Variants in PAH observed in about 807,000 individuals in gnomAD.
PAH encodes phenylalanine hydroxylase.
PAH carries 64 observed loss-of-function variants against 62.0 expected under a neutral mutation model. The ratio of observed to expected loss-of-function variants is 1.03; its 90% CI spans 0.84 to 1.27. The LOEUF is 1.27. Ranked by LOEUF, PAH falls within the 50% of genes most tolerant of loss-of-function variation. PAH has a pLI of 0.00. For missense variants in PAH, 579 were observed against 542.8 expected, an observed-to-expected ratio of 1.07 and a Z score of -0.66; for synonymous variants, 195 against 196.2, an observed-to-expected ratio of 0.99 and a Z score of 0.05.
At position 102,837,505 on chromosome 12, in the gene PAH, CA is replaced by C. The variant is rs1387032202; in HGVS notation, c.*1669del. On this transcript the variant is annotated 3_prime_UTR_variant, in exon 13 of 13. Coordinates refer to ENST00000553106, the MANE Select transcript of PAH (RefSeq NM_000277.3). ...TCACTTTTAAAATCAGTGGGTTTTACAAAGGCATAAACATAGATACAGGCAT... is the reference window on the plus strand; with the variant it reads ...TCACTTTTAAAATCAGTGGGTTTTACAAGGCATAAACATAGATACAGGCAT... 4.6e-5 allele frequency: 7 copies of C among 152,160 alleles called. No homozygotes were observed. The highest frequency in any genetic ancestry group is 1.7e-4 in the African/African-American group (7 of 41,424). The allele number at this position is 152,160 out of a possible 1,614,324, so 9.4% of individuals were successfully genotyped here.
intron 1 of PAH, among the ~76,000 whole-genome samples, chr12:102,913,506 G>A (rs1360804550): frequency 1.3e-5 from 2 of 152,080 alleles, no homozygotes; most frequent in Non-Finnish European, 2.9e-5. Context: ...GTGAAAGCAT[G>A]CTAATAACAA....
rs1386889474 is a variant in PAH, at chr12:102,838,498, C to T, written c.*677G>A. ...AATGTCCTCAAAGTGTTTCCCAAAA[C>T]AGACTTGATAATTAATTGGAAAATG... On this transcript the variant is annotated 3_prime_UTR_variant, in exon 13 of 13. Transcript: ENST00000553106. 2.6e-5 allele frequency: 4 copies of T among 152,130 alleles called. No individual in the cohort carries two copies. Among genetic ancestry groups the T allele is most frequent in the African/African-American group, 9.7e-5 (4 of 41,434 alleles). The allele number at this position is 152,130 out of a possible 1,614,324, so 9.4% of individuals were successfully genotyped here.
intron 1 of PAH, among the ~76,000 whole-genome samples, chr12:102,930,366 T>A (rs941383200): frequency 1.4e-5 from 2 of 138,864 alleles, no homozygotes; most frequent in Non-Finnish European, 3.0e-5. Context: ...TTACATATTT[T>A]CATCTTTTTT....
At chr12:102,915,197 T>C (rs1490906170) in intron 1 of PAH, 1 of 152,230 alleles carries the variant, frequency 6.6e-6, no homozygotes, top group African/African-American at 2.4e-5. Context: ...TCAATTCTCT[T>C]AGGAAATGTT....
At chr12:102,886,156 G>T (rs1877031456) in intron 3 of PAH, 1 of 152,256 alleles carries the variant, frequency 6.6e-6, no homozygotes, top group Admixed American at 6.5e-5. Context: ...GCTGGCTGAT[G>T]ATGCCCAGCT....
intron 1 of PAH, among the ~76,000 whole-genome samples, chr12:102,932,378 A>C (rs1878914659): frequency 6.6e-6 from 1 of 152,230 alleles, no homozygotes; most frequent in Non-Finnish European, 1.5e-5. Flanking sequence ...AATGCCTGCT[A>C]TTCAATAAAT....
rs767037880 is a variant in PAH, at chr12:102,957,430, C to CA, written c.-96+764dup. The stretch of plus-strand genomic sequence containing the variant: ...GAGTCCGGCACGCGCCAGGCGCACG[C>CA]ACTGCAACAACAAACCCAGCTGAAT... On this transcript the variant is annotated intron_variant, in intron 1 of 4. Transcript: ENST00000551337. This position sits in a 1 kb window ranked among gnomAD's most constrained non-coding sequence, Gnocchi z 4.1. 5.7e-4 allele frequency among the ~76,000 whole-genome samples: 87 copies of CA among 151,800 alleles called. No homozygotes were observed. The highest frequency in any genetic ancestry group is 9.4e-4 in the Non-Finnish European group (64 of 67,976).
rs199475663 is a variant in PAH at position 102,866,641 on chromosome 12, C to G, written c.464G>C (p.Arg155Pro). 2 of 1,613,626 alleles carry G rather than the reference C, an allele frequency of 1.2e-6. No individual in the cohort carries two copies. Among genetic ancestry groups the G allele is most frequent in the Non-Finnish European group, 1.7e-6 (2 of 1,179,628 alleles). Residue 155 changes from arginine to proline, a missense_variant, in exon 5 of 13, where the codon CGT becomes CCT. By Grantham distance (103) the Arg-to-Pro change is moderately radical. Coordinates refer to ENST00000553106, the MANE Select transcript of PAH (RefSeq NM_000277.3). ...DHPGFKDPVY[R>P]ARRKQFADIA... ...GTCAGCAAACTGCTTCCGTCTTGCA[C>G]GGTACACAGGATCTTTAAAACCCTA... is the stretch of plus-strand genomic sequence containing the variant.
chr12:102,897,451 ATGTGTG>A (rs34824304), intron 2 of PAH, among the ~76,000 whole-genome samples: 9 of 130,302 alleles, frequency 6.9e-5, no homozygotes, highest in African/African-American at 2.6e-4. Context: ...TCTCATATAT[ATGTGTG>A]TGTGTGTGTA....
At chr12:102,857,761 G>A (rs531174018) in intron 5 of PAH, among the ~76,000 whole-genome samples, 1 of 152,258 alleles carries the variant, frequency 6.6e-6, no homozygotes, top group East Asian at 1.9e-4. Flanking sequence ...ATCCTTTACA[G>A]ACAAGCAAAT....
upstream of PAH, among the ~76,000 whole-genome samples, chr12:102,955,689 G>A (rs1402461373): frequency 2.0e-5 from 3 of 152,142 alleles, no homozygotes; most frequent in Non-Finnish European, 4.4e-5. Context: ...GGTGCAGGGT[G>A]CCCAGGCTGT....
At chr12:102,893,746 T>A (rs1877376456) in intron 3 of PAH, among the ~76,000 whole-genome samples, 2 of 152,230 alleles carry the variant, frequency 1.3e-5, no homozygotes, top group African/African-American at 2.4e-5. Flanking sequence ...ACTTATAATT[T>A]CTATACTCTA....
chr12:102,900,705 A>G (rs905338778), intron 2 of PAH, among the ~76,000 whole-genome samples: 4 of 152,196 alleles, frequency 2.6e-5, no homozygotes, highest in African/African-American at 9.7e-5. Context: ...TTAGAAACCA[A>G]TAATTTTGAT....
In PAH at chr12:102,841,127, G is replaced by A. The variant is rs568348253; in HGVS notation, c.1200-612C>T. ...GAGGAAACAGGCTTGGGAAGGCTGC[G>A]TGACTACTAAGGCCATACTGTCAGT... is the stretch of plus-strand genomic sequence containing the variant. On this transcript the variant is annotated intron_variant, in intron 11 of 12. Transcript: ENST00000553106. Among the ~76,000 whole-genome samples, 42 of 152,216 alleles carry A rather than the reference G, an allele frequency of 2.8e-4. No individual in the cohort carries two copies. The Middle Eastern group carries it at 0.01, about 37-fold the overall frequency.
intron 3 of PAH, among the ~76,000 whole-genome samples, chr12:102,890,831 T>G (rs1426421404): frequency 1.3e-5 from 2 of 152,126 alleles, no homozygotes; most frequent in African/African-American, 4.8e-5. Flanking sequence ...ACTTGTAATC[T>G]CAGCACTTTG....
At chr12:102,867,868 G>C (rs539401223) in intron 4 of PAH, among the ~76,000 whole-genome samples, 2 of 110,012 alleles carry the variant, frequency 1.8e-5, no homozygotes, top group South Asian at 3.4e-4. Flanking sequence ...TACATATATA[G>C]ATGTATATAT....
chr12:102,934,809 A>G (rs764308143), intron 1 of PAH, among the ~76,000 whole-genome samples: 23 of 152,066 alleles, frequency 1.5e-4, no homozygotes, highest in Non-Finnish European at 3.1e-4. Context: ...CAGTTCTGTT[A>G]TTTGGTTAAG....
chr12:102,928,179 A>T (rs1207521446), intron 1 of PAH, among the ~76,000 whole-genome samples: 1 of 152,186 alleles, frequency 6.6e-6, no homozygotes, highest in South Asian at 2.1e-4. Context: ...GTGGGTACAT[A>T]GTAGTTGTAT....
At chr12:102,888,383 T>C (rs920860371) in intron 3 of PAH, among the ~76,000 whole-genome samples, 2 of 151,956 alleles carry the variant, frequency 1.3e-5, no homozygotes, top group Non-Finnish European at 2.9e-5. Context: ...TTGCTTTAGC[T>C]GCCTGAGTTG....
Sources: gnomAD v4.1 joint callset for allele counts (sites outside exome capture counted in the v4.1 genomes callset) on GRCh38, gnomAD v4.1.1 for gene constraint, Gnocchi (gnomAD v3.1) non-coding constraint, MANE v1.5 for transcripts, NCBI Gene and HGNC (gene_info 2026-07-23, HGNC 2026-07-21) for gene names.